The following RABEP2 variants were observed in gnomAD, a reference collection of about 807,000 sequenced individuals.
RABEP2 encodes rab GTPase-binding effector protein 2.
Under a neutral mutation model 74.1 loss-of-function variants are expected in RABEP2, and 57 were observed. The ratio of observed to expected loss-of-function variants is 0.77; its 90% CI spans 0.62 to 0.96. The LOEUF (loss-of-function observed/expected upper bound fraction) is 0.96. Ranked by LOEUF, RABEP2 falls within the 40% of genes least tolerant of loss-of-function variation. The pLI is 0.00. For missense variants in RABEP2, 692 were observed against 756.3 expected (o/e 0.91, Z 1.00); for synonymous variants, 351 against 344.0 (o/e 1.02, Z -0.23).
intron 3 of RABEP2, among the ~76,000 whole-genome samples, chr16:28,915,203 G>A (rs908677322): frequency 6.8e-6 from 1 of 148,064 alleles, no homozygotes; most frequent in Non-Finnish European, 1.5e-5. Context: ...TGGGACTACA[G>A]GCATGTGCAC....
At chr16:28,921,785 T>C (rs550581699) in intron 2 of RABEP2, among the ~76,000 whole-genome samples, 1 of 150,622 alleles carries the variant, frequency 6.6e-6, no homozygotes, top group African/African-American at 2.4e-5. Context: ...GCCAACATAG[T>C]GAAACCTTGT....
intron 5 of RABEP2, among the ~76,000 whole-genome samples, chr16:28,911,766 G>A (rs1446673286): frequency 6.6e-6 from 1 of 151,768 alleles, no homozygotes; most frequent in Non-Finnish European, 1.5e-5. Flanking sequence ...GACCAATATG[G>A]TGAAACCTTG....
chr16:28,905,920 C>T, intron 9 of RABEP2, 42 bp from the exon 10 acceptor site: 4 of 1,613,320 alleles, frequency 2.5e-6, no homozygotes, highest in Non-Finnish European at 3.4e-6. Flanking sequence ...CAGCCTCTCT[C>T]CCCTCCCCGC....
At chr16:28,916,666 T>C (rs1344358016) in intron 3 of RABEP2, among the ~76,000 whole-genome samples, 1 of 119,158 alleles carries the variant, frequency 8.4e-6, no homozygotes, top group Non-Finnish European at 1.7e-5. Flanking sequence ...ACTGAGACTC[T>C]TGTCTCCAAA....
intron 3 of RABEP2, among the ~76,000 whole-genome samples, chr16:28,916,796 C>G (rs1161430820): frequency 1.3e-5 from 2 of 151,644 alleles, no homozygotes; most frequent in African/African-American, 4.8e-5. Context: ...CCAGACTGGC[C>G]AACGTGGTGA....
chr16:28,905,139 G>A (rs1034297017), intron 12 of RABEP2, 95 bp from the exon 13 acceptor site: 2 of 1,026,108 alleles, frequency 1.9e-6, no homozygotes, highest in Non-Finnish European at 2.8e-6. Flanking sequence ...TGGTACCAGT[G>A]GACCCAGGGG....
chr16:28,921,756 G>C (rs571242543), intron 2 of RABEP2, among the ~76,000 whole-genome samples: 2 of 150,968 alleles, frequency 1.3e-5, no homozygotes, highest in East Asian at 3.9e-4. Context: ...ATCTAGGTCA[G>C]GAGTTCGAGA....
At chr16:28,924,704 C>G in intron 1 of RABEP2, 89 bp from the exon 2 acceptor site, 1 of 1,228,684 alleles carries the variant, frequency 8.1e-7, no homozygotes, top group East Asian at 2.4e-5. Flanking sequence ...GTACTGTTGC[C>G]TTCATCTGGG....
In RABEP2 at chr16:28,908,786, A is replaced by G. The variant is rs747551429; in HGVS notation, c.1090-22T>C. 3.1e-6 allele frequency: 5 copies of G among 1,610,426 alleles called. No individual in the cohort carries two copies. The South Asian group carries it at 5.5e-5, about 18-fold the overall frequency. ...CCGCCTATGGACAGACAGTTAGTAT[A>G]AGGCAATGAAGAGGACAGGGCGTCT... On this transcript the variant is annotated intron_variant, in intron 7 of 12. Coordinates refer to ENST00000358201, the MANE Select transcript of RABEP2 (RefSeq NM_024816.3).
chr16:28,914,030 C>T (rs547175801), intron 5 of RABEP2, among the ~76,000 whole-genome samples: 48 of 151,876 alleles, frequency 3.2e-4, no homozygotes, highest in Non-Finnish European at 5.3e-4. Context: ...TCCCACCCAG[C>T]TTCCGAGTGG....
chr16:28,904,828 A>G lies in RABEP2; in HGVS notation c.*115T>C. ...GGTGGTGGCCCCCGTCAGTCCCCTCAACCCCAGTCTCAGGGACGGTGGAAA... is the reference window on the plus strand; with the variant it reads ...GGTGGTGGCCCCCGTCAGTCCCCTCGACCCCAGTCTCAGGGACGGTGGAAA... On this transcript the variant is annotated 3_prime_UTR_variant, in exon 13 of 13. Coordinates refer to ENST00000358201, the MANE Select transcript of RABEP2 (RefSeq NM_024816.3). 1.2e-6 allele frequency: 1 copy of G among 827,160 alleles called. No individual in the cohort carries two copies. Among genetic ancestry groups the G allele is most frequent in the Non-Finnish European group, 1.9e-6 (1 of 532,406 alleles). 51.2% of individuals were successfully genotyped at this position (827,160 alleles called of 1,614,324 possible). A position where few individuals can be genotyped will look rare whatever the true frequency, so the allele number is the denominator to read the frequency against.
intron 7 of RABEP2, chr16:28,910,625 G>A (rs1964298678): frequency 4.7e-6 from 2 of 422,028 alleles, no homozygotes; most frequent in African/African-American, 4.0e-5. Context: ...CATTATGTCA[G>A]TTTTATAGAT....
Position 28,914,590 on chromosome 16 carries a change from G to A in RABEP2, c.544-4C>T, listed in dbSNP as rs1209602480. ...AAGGGGCATGCCGGGGACGTCTCTA[G>A]GGAAGGGGGCAGGGAAGAGGCTGGG... On this transcript the variant is annotated splice_region_variant and splice_polypyrimidine_tract_variant and intron_variant, in intron 4 of 12. Coordinates refer to ENST00000358201, the MANE Select transcript of RABEP2 (RefSeq NM_024816.3). 3.2e-5 allele frequency: 51 copies of A among 1,609,600 alleles called. No homozygotes were observed. Among genetic ancestry groups the A allele is most frequent in the Non-Finnish European group, 4.1e-5 (48 of 1,177,754 alleles).
intron 3 of RABEP2, 61 bp from the exon 4 acceptor site, chr16:28,914,843 T>G (rs1964367690): frequency 7.0e-7 from 1 of 1,426,282 alleles, no homozygotes; most frequent in South Asian, 1.2e-5. Context: ...GCCCCGGGTC[T>G]GTTCAGAGCT....
chr16:28,909,234 G>A (rs936387036), intron 7 of RABEP2, among the ~76,000 whole-genome samples: 27 of 151,720 alleles, frequency 1.8e-4, no homozygotes, highest in African/African-American at 4.4e-4. Context: ...CCACCATCAC[G>A]CCTGGCTAAT....
At chr16:28,918,172 C>T (rs1048959331) in intron 3 of RABEP2, among the ~76,000 whole-genome samples, 17 of 149,746 alleles carry the variant, frequency 1.1e-4, no homozygotes, top group Admixed American at 1.3e-4. Context: ...CTCCGCTTCC[C>T]GGGTTCACGC....
chr16:28,924,670 C>T (rs1477389888), intron 1 of RABEP2, 55 bp from the exon 2 acceptor site: 6 of 1,523,672 alleles, frequency 3.9e-6, no homozygotes, highest in Non-Finnish European at 4.5e-6. Flanking sequence ...GGCCACCTAC[C>T]GGCTTAGCAA....
In RABEP2 at chr16:28,904,816, G is replaced by A. The variant is rs529307200; in HGVS notation, c.*127C>T. The stretch of plus-strand genomic sequence containing the variant: ...GGAGGGCGGGGCGGTGGTGGCCCCC[G>A]TCAGTCCCCTCAACCCCAGTCTCAG... On this transcript the variant is annotated 3_prime_UTR_variant, in exon 13 of 13. Transcript: ENST00000358201. 8.5e-5 allele frequency: 65 copies of A among 762,530 alleles called. No individual in the cohort carries two copies. The highest frequency in any genetic ancestry group is 3.0e-4 in the African/African-American group (17 of 57,148). 47.2% of individuals were successfully genotyped at this position (762,530 alleles called of 1,614,324 possible).
At position 28,914,583 on chromosome 16, in the gene RABEP2, G is replaced by T. The variant is rs550518363; in HGVS notation, c.547C>A (p.Arg183Ser). The T allele has an allele frequency of 3.1e-6, 5 of 1,608,620 alleles. No individual in the cohort carries two copies. The African/African-American group carries it at 6.7e-5, about 22-fold the overall frequency. ...TGCAGGGAAGGGGCATGCCGGGGAC[G>T]TCTCTAGGGAAGGGGGCAGGGAAGA... ...AEELIQEIQR[R>S]PRHAPSLHGS... Residue 183 changes from arginine to serine, a missense_variant, in exon 5 of 13, where the codon CGT becomes AGT. By Grantham distance (110) the Arg-to-Ser change is moderately radical. Transcript: ENST00000358201.
Sources: allele counts gnomAD v4.1 joint callset (sites outside exome capture counted in the v4.1 genomes callset), GRCh38; gene constraint gnomAD v4.1.1; transcripts MANE v1.5; gene names NCBI Gene and HGNC (gene_info 2026-07-23, HGNC 2026-07-21).